NBEAL2: variants seen among roughly 807,000 people sequenced by gnomAD.
NBEAL2 encodes the protein neurobeachin-like protein 2.
A neutral mutation model predicts 299.8 loss-of-function variants in NBEAL2; 160 were observed. The observed-to-expected ratio is 0.53, with a 90% confidence interval of 0.47 to 0.61. NBEAL2 has a LOEUF of 0.61. Ranked by LOEUF, NBEAL2 falls within the 20% of genes least tolerant of loss-of-function variation. The pLI, the probability that NBEAL2 is intolerant of heterozygous loss-of-function variation, is 0.00. For missense variants in NBEAL2, 3,112 were observed against 3,649.0 expected, an observed-to-expected ratio of 0.85 and a Z score of 3.79; for synonymous variants, 1,493 against 1,542.3, an observed-to-expected ratio of 0.97 and a Z score of 0.75.
At chr3:46,992,346 C>G in intron 9 of NBEAL2, 129 bp from the exon 10 acceptor site, 1 of 859,542 alleles carries the variant, frequency 1.2e-6, no homozygotes, top group Non-Finnish European at 1.9e-6. Context: ...GGGCTCAGCA[C>G]CCTACTCTTC....
chr3:47,008,276 C>T lies in NBEAL2; in HGVS notation c.7720-7C>T, dbSNP rs756504833. On this transcript the variant is annotated splice_region_variant and splice_polypyrimidine_tract_variant and intron_variant, in intron 50 of 53. Transcript: ENST00000450053. ...CCTGCCCAGGACCCTAAGTTGCCTT[C>T]CTGCAGGATGGAACTGTGATCATAC... The T allele has an allele frequency of 1.2e-6, 2 of 1,613,116 alleles. No homozygotes were observed. The highest frequency in any genetic ancestry group is 2.2e-5 in the South Asian group (2 of 90,908).
At chr3:47,002,851 G>T in intron 33 of NBEAL2, 49 bp downstream of exon 33, 2 of 1,550,768 alleles carry the variant, frequency 1.3e-6, no homozygotes, top group East Asian at 2.3e-5. Flanking sequence ...GGGCTTGGGA[G>T]GGAGGGAGCC....
In NBEAL2 at chr3:47,002,394, C is replaced by T. The variant is rs1432830218; in HGVS notation, c.5175C>T (p.Phe1725=). Residue 1725 remains phenylalanine, a synonymous_variant, in exon 32 of 54, where the codon TTC becomes TTT. Transcript: ENST00000450053. ...AGGTACAGCCAACCATGTCCCAGTT[C>T]GAAATGGACACGTATGCTAAGAGCC... is the stretch of plus-strand genomic sequence containing the variant. The part of the protein sequence containing the change: ...DKQVQPTMSQ[F]EMDTYAKSHD... 3.7e-6 allele frequency: 6 copies of T among 1,613,636 alleles called. No individual in the cohort carries two copies. The highest frequency in any genetic ancestry group is 4.5e-5 in the East Asian group (2 of 44,870).
intron 6 of NBEAL2, among the ~76,000 whole-genome samples, chr3:46,990,066 C>T (rs1024546622): frequency 6.6e-6 from 1 of 152,138 alleles, no homozygotes; most frequent in African/African-American, 2.4e-5. Context: ...TGACCCTCCA[C>T]CCCTGGGTCC....
chr3:46,988,738 T>A lies in NBEAL2; in HGVS notation c.121T>A (p.Ser41Thr), dbSNP rs778298478. ...VGAFKKSISL[S>T]SLEPRRPEEA... The stretch of plus-strand genomic sequence containing the variant: ...TGCCTTCAAGAAGAGCATCTCACTG[T>A]CCTCTCTGGAGCCACGAAGGTGAGG... The change falls in exon 2 of 54, where the codon TCC becomes ACC. Residue 41 changes from serine (S) to threonine (T), a missense_variant. Ser to Thr is a moderately conservative substitution (Grantham distance 58). Around this residue, in one of 3 missense-constraint regions of NBEAL2, gnomAD observed 2,243 missense variants for 2,538.1 expected, o/e 0.88. Coordinates refer to ENST00000450053, the MANE Select transcript of NBEAL2 (RefSeq NM_015175.3). The surrounding 1 kb of genome is among the most constrained non-coding windows in gnomAD (Gnocchi z 4.4). 18 of 1,613,706 alleles carry A rather than the reference T, an allele frequency of 1.1e-5. No homozygotes were observed. The highest frequency in any genetic ancestry group is 1.4e-5 in the Non-Finnish European group (16 of 1,179,654).
chr3:47,009,664 T>A lies in NBEAL2; in HGVS notation c.*344T>A. 1 of 327,118 alleles carries A rather than the reference T, an allele frequency of 3.1e-6. No individual in the cohort carries two copies. The highest frequency in any genetic ancestry group is 4.5e-5 in the South Asian group (1 of 22,288). The allele number at this position is 327,118 out of a possible 1,614,324, so 20.3% of individuals were successfully genotyped here. On this transcript the variant is annotated 3_prime_UTR_variant, in exon 54 of 54. Transcript: ENST00000450053. ...CCTTAATTCCTAACGGCGGCCCCGG[T>A]TCTCCCTTCTCGGCAATAAACCAGG...
chr3:46,991,787 TTA>T lies in NBEAL2; in HGVS notation c.926-52_926-51del. ...GATAGGGCAGCATAGGAAGGAAGGC[TTA>T]AGGCTGCCTAGAGGGGTCTGGGCAG... On this transcript the variant is annotated intron_variant, in intron 8 of 53. Coordinates refer to ENST00000450053, the MANE Select transcript of NBEAL2 (RefSeq NM_015175.3). The surrounding 1 kb of genome is among the most constrained non-coding windows in gnomAD (Gnocchi z 6.2). 1 of 1,563,834 alleles carries T rather than the reference TTA, an allele frequency of 6.4e-7. No homozygotes were observed.
chr3:46,992,084 C>G (rs973291010), intron 9 of NBEAL2, 138 bp downstream of exon 9: 1 of 799,884 alleles, frequency 1.3e-6, no homozygotes, highest in Non-Finnish European at 2.1e-6. Flanking sequence ...GCTTGCAGTT[C>G]AGTGGGAGGG....
At chr3:46,996,185 C>T in intron 15 of NBEAL2, 86 bp from the exon 16 acceptor site, 4 of 1,572,142 alleles carry the variant, frequency 2.5e-6, no homozygotes, top group Non-Finnish European at 3.4e-6. Context: ...TCCATGCAGC[C>T]ATGGGGGTCA....
rs748198831 is a variant in NBEAL2 at position 47,009,001 on chromosome 3, C to T, written c.8040C>T (p.Ala2680=). ...HILQLNTLLP[A]APPLPMKVAI... is the part of the protein sequence containing the mutation. The stretch of plus-strand genomic sequence containing the variant: ...CTCTCCCTTCCAGACTGCTCCCGGC[C>T]GCGCCTCCCTTGCCCATGAAGGTGG... The change falls in exon 53 of 54, where the codon GCC becomes GCT. Residue 2680 remains alanine, a synonymous_variant. Coordinates refer to ENST00000450053, the MANE Select transcript of NBEAL2 (RefSeq NM_015175.3). 62 of 1,599,566 alleles carry T rather than the reference C, an allele frequency of 3.9e-5. No homozygotes were observed. Among genetic ancestry groups the T allele is most frequent in the Non-Finnish European group, 5.0e-5 (59 of 1,179,820 alleles).
rs1288636587 is a variant in NBEAL2 at position 46,982,931 on chromosome 3, G to A, written c.51+3019G>A. On this transcript the variant is annotated intron_variant, in intron 1 of 53. Transcript: ENST00000450053. This position sits in a 1 kb window ranked among gnomAD's most constrained non-coding sequence, Gnocchi z 4.2. ...TGGGGACAGCACCTGACAGGCTGGC[G>A]GTTGGGCAGCCCATAAAAGTTAATG... Among the ~76,000 whole-genome samples, 4 of 152,144 alleles carry A rather than the reference G, an allele frequency of 2.6e-5. No individual in the cohort carries two copies. The highest frequency in any genetic ancestry group is 4.4e-5 in the Non-Finnish European group (3 of 68,018).
At position 46,989,598 on chromosome 3, in the gene NBEAL2, G is replaced by A; in HGVS notation, c.556+5G>A. 2 of 1,580,704 alleles carry A rather than the reference G, an allele frequency of 1.3e-6. No individual in the cohort carries two copies. The highest frequency in any genetic ancestry group is 2.3e-5 in the South Asian group (2 of 86,398). ...AATTCAGCGCCTTCTTCCAAGGTCA[G>A]GCCCCGCCCCTGCCCCCACTTGGCT... On this transcript the variant is annotated splice_donor_5th_base_variant and intron_variant, in intron 6 of 53. Coordinates refer to ENST00000450053, the MANE Select transcript of NBEAL2 (RefSeq NM_015175.3). The surrounding 1 kb of genome is among the most constrained non-coding windows in gnomAD (Gnocchi z 5.5).
rs1219715897 is a variant in NBEAL2, at chr3:47,009,473, C to A, written c.*153C>A. 5 of 753,262 alleles carry A rather than the reference C, an allele frequency of 6.6e-6. No individual in the cohort carries two copies. The highest frequency in any genetic ancestry group is 1.1e-5 in the Non-Finnish European group (5 of 460,244). The allele number at this position is 753,262 out of a possible 1,614,324, so 46.7% of individuals were successfully genotyped here. On this transcript the variant is annotated 3_prime_UTR_variant, in exon 54 of 54. Coordinates refer to ENST00000450053, the MANE Select transcript of NBEAL2 (RefSeq NM_015175.3). Reference sequence around the variant, plus strand: ...CTCAGGGATTGGCGGGCGATGTTACCCCCTCAGGGATTGGCGGGCGGAAGT... The same window carrying A: ...CTCAGGGATTGGCGGGCGATGTTACACCCTCAGGGATTGGCGGGCGGAAGT...
At chr3:46,986,216 A>G (rs954435783) in intron 1 of NBEAL2, among the ~76,000 whole-genome samples, 1 of 152,206 alleles carries the variant, frequency 6.6e-6, no homozygotes, top group Non-Finnish European at 1.5e-5. Flanking sequence ...GAAAGTTTAC[A>G]GGACTGGACA....
At chr3:46,986,664 T>C (rs199863326) in intron 1 of NBEAL2, among the ~76,000 whole-genome samples, 1 of 152,004 alleles carries the variant, frequency 6.6e-6, no homozygotes, top group East Asian at 1.9e-4. Flanking sequence ...TGAAGGCAGC[T>C]AGGGGTCTCT....
Position 46,979,872 on chromosome 3 carries a change from C to T in NBEAL2, c.11C>T (p.Ser4Leu), listed in dbSNP as rs1049420801. 2.1e-6 allele frequency: 1 copy of T among 469,842 alleles called. No homozygotes were observed. The highest frequency in any genetic ancestry group is 3.8e-6 in the Non-Finnish European group (1 of 260,542). 29.1% of individuals were successfully genotyped at this position (469,842 alleles called of 1,614,324 possible). The change falls in exon 1 of 54, where the codon TCG becomes TTG. Residue 4 changes from serine to leucine, a missense_variant. Ser to Leu is a moderately radical substitution (Grantham distance 145). Transcript: ENST00000450053. The part of the protein sequence containing the change: MAA[S>L]ERLYELWLLY... ...GAGCCGGGCCGGGCCATGGCCGCCT[C>T]GGAGCGGCTGTACGAGTTGTGGCTG...
rs1325987135 is a variant in NBEAL2 at position 46,998,150 on chromosome 3, C to T, written c.3042C>T (p.Pro1014=). The T allele has an allele frequency of 3.1e-6, 5 of 1,603,542 alleles. No individual in the cohort carries two copies. In the Middle Eastern group the frequency reaches 6.6e-4, roughly 212 times the overall value. The change falls in exon 21 of 54, where the codon CCC becomes CCT. Residue 1014 remains proline (P), a synonymous_variant. Coordinates refer to ENST00000450053, the MANE Select transcript of NBEAL2 (RefSeq NM_015175.3). The part of the protein sequence containing the change: ...MEQVAAEGSG[P]LLYLLYQHLL... ...AGGTGGCAGCTGAGGGCAGCGGGCC[C>T]CTCCTGTACCTACTCTACCAGCATT...
chr3:47,003,750 G>A lies in NBEAL2; in HGVS notation c.5721-66G>A. ...CCCCATGACTCAATGGCACTTGGAT[G>A]CCCTTTGGGCTTGTGAAGAAGGGGG... On this transcript the variant is annotated intron_variant, in intron 35 of 53. Transcript: ENST00000450053. The surrounding 1 kb of genome is among the most constrained non-coding windows in gnomAD (Gnocchi z 7.0). 1.3e-6 allele frequency: 2 copies of A among 1,497,000 alleles called. No individual in the cohort carries two copies. The highest frequency in any genetic ancestry group is 1.8e-6 in the Non-Finnish European group (2 of 1,118,240). 92.7% of individuals were successfully genotyped at this position (1,497,000 alleles called of 1,614,324 possible).
intron 10 of NBEAL2, 99 bp downstream of exon 10, chr3:46,992,654 C>A: frequency 8.6e-7 from 1 of 1,169,108 alleles, no homozygotes; most frequent in Non-Finnish European, 1.2e-6. Flanking sequence ...GTGTGTAAGG[C>A]CTGGTGTGGT....
Sources: gnomAD v4.1 joint callset for allele counts (sites outside exome capture counted in the v4.1 genomes callset) on GRCh38, gnomAD v4.1.1 for gene constraint, gnomAD v4.1.1 regional missense constraint, Gnocchi (gnomAD v3.1) non-coding constraint, MANE v1.5 for transcripts, NCBI Gene and HGNC (gene_info 2026-07-23, HGNC 2026-07-21) for gene names.